NAA11: variants seen among roughly 807,000 people sequenced by gnomAD.
NAA11 encodes the protein N-alpha-acetyltransferase 11.
Under a neutral mutation model 16.1 loss-of-function variants are expected in NAA11, and 15 were observed. The ratio of observed to expected loss-of-function variants is 0.93; its 90% CI spans 0.62 to 1.44. The LOEUF (loss-of-function observed/expected upper bound fraction) is 1.44, where lower values mean the gene tolerates loss of function less well. NAA11 is among the 40% of genes most tolerant of loss of function. The pLI is 0.00. For synonymous variants in NAA11, 122 were observed against 112.4 expected (o/e 1.09, Z -0.54); for missense variants, 298 against 291.3 (o/e 1.02, Z -0.17).
Position 79,325,435 on chromosome 4 carries a change from T to TA in NAA11, c.442_443insT (p.Lys148IlefsTer10). On this transcript the variant is annotated frameshift_variant, in exon 1 of 2. Transcript: ENST00000286794. LOFTEE classifies it high-confidence loss of function. ...ATCTGCCATCTGCGAGAGATCCCGCTTCATAGCATAAGCATCTTCCCCATC... is the reference window on the plus strand; with the variant it reads ...ATCTGCCATCTGCGAGAGATCCCGCTATCATAGCATAAGCATCTTCCCCATC... The TA allele has an allele frequency of 3.1e-6, 5 of 1,614,220 alleles. No individual in the cohort carries two copies. Among genetic ancestry groups the TA allele is most frequent in the Non-Finnish European group, 4.2e-6 (5 of 1,180,048 alleles).
chr4:79,187,557 G>A, the NAA11 span, among the ~76,000 whole-genome samples: 3 of 152,198 alleles, frequency 2.0e-5, no homozygotes, highest in African/African-American at 4.8e-5. Context: ...TATTAGGTTC[G>A]GAAACGGTAT....
At position 79,268,795 on chromosome 4, in the gene NAA11, C is replaced by T. The variant is rs371962160; in HGVS notation, c.*122+25210G>A. Reference sequence around the variant, plus strand: ...ATATATGTGCCATGCTGGTGCGCTGCACCCACTAACTCGTTATCTAGCATT... The same window carrying T: ...ATATATGTGCCATGCTGGTGCGCTGTACCCACTAACTCGTTATCTAGCATT... On this transcript the variant is annotated intron_variant and NMD_transcript_variant, in intron 2 of 2. Transcript: ENST00000511542. Among the ~76,000 whole-genome samples the T allele has an allele frequency of 1.7e-4, 25 of 151,398 alleles. No homozygotes were observed. In the East Asian group the frequency reaches 2.9e-3, roughly 18 times the overall value.
intron 2 of NAA11, among the ~76,000 whole-genome samples, chr4:79,285,382 T>A (rs1032891279): frequency 1.3e-5 from 2 of 152,070 alleles, no homozygotes; most frequent in African/African-American, 4.8e-5. Context: ...AATTAAAAAA[T>A]TAATTTCTGA....
chr4:79,272,314 A>G (rs1304503937), intron 2 of NAA11, among the ~76,000 whole-genome samples: 2 of 152,110 alleles, frequency 1.3e-5, no homozygotes, highest in Non-Finnish European at 2.9e-5. Context: ...TTGGAGTTCT[A>G]TTAAAAGAAC....
At chr4:79,298,746 T>G (rs1225726688) in intron 1 of NAA11, among the ~76,000 whole-genome samples, 3 of 152,170 alleles carry the variant, frequency 2.0e-5, no homozygotes, top group African/African-American at 7.2e-5. Context: ...ATGAGCCGAG[T>G]GCAGCCTACT....
chr4:79,324,807 A>C (rs1724207156), intron 1 of NAA11, among the ~76,000 whole-genome samples: 1 of 152,202 alleles, frequency 6.6e-6, no homozygotes, highest in African/African-American at 2.4e-5. Flanking sequence ...TTATTTCATC[A>C]AGAGTTGGAA....
the NAA11 span, among the ~76,000 whole-genome samples, chr4:79,183,821 G>T: frequency 3.1e-4 from 47 of 152,076 alleles, no homozygotes; most frequent in Middle Eastern, 6.8e-3. Flanking sequence ...TACCTTTTCC[G>T]CTAGGATTCT....
At chr4:79,280,110 T>C (rs1472817753) in intron 2 of NAA11, among the ~76,000 whole-genome samples, 1 of 152,078 alleles carries the variant, frequency 6.6e-6, no homozygotes, top group Non-Finnish European at 1.5e-5. Context: ...TTACATAAAA[T>C]ATACAAATTA....
the NAA11 span, among the ~76,000 whole-genome samples, chr4:79,187,913 G>A: frequency 1.5e-4 from 22 of 146,226 alleles, no homozygotes; most frequent in African/African-American, 5.5e-4. Context: ...GCAGGAGAAT[G>A]GCGGGAACCC....
intron 2 of NAA11, among the ~76,000 whole-genome samples, chr4:79,282,731 A>C (rs761364557): frequency 2.0e-5 from 3 of 152,128 alleles, no homozygotes; most frequent in Non-Finnish European, 4.4e-5. Flanking sequence ...TCAAGAGGTC[A>C]ATTGGATCTA....
At chr4:79,288,428 T>C (rs1271295607) in intron 2 of NAA11, among the ~76,000 whole-genome samples, 1 of 152,200 alleles carries the variant, frequency 6.6e-6, no homozygotes, top group Admixed American at 6.5e-5. Flanking sequence ...GGAAGAGGCA[T>C]TAAAAGATAT....
chr4:79,180,635 C>T, the NAA11 span, among the ~76,000 whole-genome samples: 2 of 152,198 alleles, frequency 1.3e-5, no homozygotes, highest in Non-Finnish European at 1.5e-5. Context: ...GTTGGTGGGA[C>T]TGTAAACTAG....
At chr4:79,198,399 A>G in the NAA11 span, among the ~76,000 whole-genome samples, 2 of 151,998 alleles carry the variant, frequency 1.3e-5, no homozygotes, top group African/African-American at 2.4e-5. Context: ...AAGTGGTCTT[A>G]ATTAAGCATG....
chr4:79,288,297 G>A (rs1265091816), intron 2 of NAA11, among the ~76,000 whole-genome samples: 4 of 152,072 alleles, frequency 2.6e-5, no homozygotes, highest in Non-Finnish European at 4.4e-5. Context: ...ATATTACTCT[G>A]CACAGACGCA....
the NAA11 span, among the ~76,000 whole-genome samples, chr4:79,174,538 A>G: frequency 2.0e-5 from 3 of 152,152 alleles, no homozygotes; most frequent in African/African-American, 4.8e-5. Context: ...CCATTGCTAC[A>G]TAGAAATCAA....
At chr4:79,183,615 C>T in the NAA11 span, among the ~76,000 whole-genome samples, 1 of 151,868 alleles carries the variant, frequency 6.6e-6, no homozygotes, top group Non-Finnish European at 1.5e-5. Flanking sequence ...GTTATATGTT[C>T]TAATATCCTG....
chr4:79,254,384 G>A (rs1722057378), intron 2 of NAA11, among the ~76,000 whole-genome samples: 1 of 152,102 alleles, frequency 6.6e-6, no homozygotes, highest in Non-Finnish European at 1.5e-5. Flanking sequence ...CTCATTATAA[G>A]TTATCCTTGG....
At chr4:79,179,937 G>A in the NAA11 span, among the ~76,000 whole-genome samples, 4 of 152,136 alleles carry the variant, frequency 2.6e-5, no homozygotes, top group Non-Finnish European at 5.9e-5. Flanking sequence ...TCACAAGGTC[G>A]CAGGAGGAAG....
At chr4:79,204,335 A>G in the NAA11 span, among the ~76,000 whole-genome samples, 1 of 151,914 alleles carries the variant, frequency 6.6e-6, no homozygotes, top group South Asian at 2.1e-4. Context: ...AAAATTATAG[A>G]TAATATTTCT....
Sources: gnomAD v4.1 joint callset for allele counts (sites outside exome capture counted in the v4.1 genomes callset) on GRCh38, gnomAD v4.1.1 for gene constraint, MANE v1.5 for transcripts, NCBI Gene and HGNC (gene_info 2026-07-23, HGNC 2026-07-21) for gene names.